Variants in TMC7 observed in about 807,000 individuals in gnomAD.
TMC7 encodes transmembrane channel like 7, also known as transmembrane channel-like protein 7.
TMC7 carries 54 observed loss-of-function variants against 82.9 expected under a neutral mutation model. The ratio of observed to expected loss-of-function variants is 0.65; its 90% CI spans 0.52 to 0.82. TMC7 has a LOEUF of 0.82. Ranked by LOEUF, TMC7 falls within the 40% of genes least tolerant of loss-of-function variation. TMC7 has a pLI of 0.00. For synonymous variants in TMC7, 350 were observed against 337.9 expected, an observed-to-expected ratio of 1.04 and a Z score of -0.39; for missense variants, 820 against 901.2, an observed-to-expected ratio of 0.91 and a Z score of 1.15.
At chr16:19,060,772 G>C (rs971160073) in intron 15 of TMC7, among the ~76,000 whole-genome samples, 4 of 149,076 alleles carry the variant, frequency 2.7e-5, no homozygotes, top group Admixed American at 6.8e-5. Context: ...TGAAGGGTTT[G>C]TAAGAGTCTA....
intron 9 of TMC7, among the ~76,000 whole-genome samples, chr16:19,042,499 CTTCTTTTTTTTTTTT>C (rs1961057415): frequency 7.3e-6 from 1 of 137,732 alleles, no homozygotes; most frequent in Non-Finnish European, 1.6e-5. Flanking sequence ...TAAATTATTC[CTTCTTTTTTTTTTTT>C]TTCTTTTTTT....
chr16:19,013,851 C>CTTTTTTT (rs35402613), intron 2 of TMC7, among the ~76,000 whole-genome samples: 1 of 87,096 alleles, frequency 1.1e-5, no homozygotes, highest in Non-Finnish European at 2.0e-5. Flanking sequence ...AGCACTCTTG[C>CTTTTTTT]TTTTTTTTTT....
At chr16:18,987,709 A>G (rs1416235098) in intron 1 of TMC7, among the ~76,000 whole-genome samples, 13 of 152,192 alleles carry the variant, frequency 8.5e-5, no homozygotes, top group Admixed American at 8.5e-4. Flanking sequence ...TGCTACATCT[A>G]TTGTGAATGA....
intron 1 of TMC7, among the ~76,000 whole-genome samples, chr16:19,005,127 C>T (rs1198379838): frequency 2.0e-5 from 3 of 151,664 alleles, no homozygotes; most frequent in Non-Finnish European, 2.9e-5. Flanking sequence ...CTCGCTCTGT[C>T]GCCCAGGCTG....
chr16:19,037,403 A>G (rs1567521355), intron 7 of TMC7, among the ~76,000 whole-genome samples: 5 of 30,772 alleles, frequency 1.6e-4, no homozygotes, highest in African/African-American at 3.3e-4. Context: ...AAAAAAAAAA[A>G]GAAAGAAAAA....
At position 19,015,709 on chromosome 16, in the gene TMC7, C is replaced by T. The variant is rs896403314; in HGVS notation, c.312-741C>T. 3.3e-5 allele frequency among the ~76,000 whole-genome samples: 5 copies of T among 152,038 alleles called. No individual in the cohort carries two copies. In the East Asian group the frequency reaches 9.8e-4, roughly 30 times the overall value. On this transcript the variant is annotated intron_variant, in intron 2 of 15. Coordinates refer to ENST00000304381, the MANE Select transcript of TMC7 (RefSeq NM_024847.4). ...TCTTCTGCCTCGGCCTCCCAAGTAG[C>T]TGGAATTACAGACGCCCACCACCAT... is the stretch of plus-strand genomic sequence containing the variant.
Position 19,030,333 on chromosome 16 carries a change from C to A in TMC7, c.821C>A (p.Ala274Asp). The change falls in exon 6 of 16, where the codon GCC becomes GAC. Residue 274 changes from alanine to aspartate, a missense_variant. This residue lies in a region of TMC7 where 650 missense variants were observed against 669.9 expected (regional missense o/e 0.97). Coordinates refer to ENST00000304381, the MANE Select transcript of TMC7 (RefSeq NM_024847.4). Reference sequence around the variant, plus strand: ...CTGGCGTATTTGTTAAGCACAATCGCCTCCCTGGCCCTGAGCCTTCTTTGG... The same window carrying A: ...CTGGCGTATTTGTTAAGCACAATCGACTCCCTGGCCCTGAGCCTTCTTTGG... ...LPLAYLLSTI[A>D]SLALSLLWIV... is the part of the protein sequence containing the mutation. 1 of 1,612,896 alleles carries A rather than the reference C, an allele frequency of 6.2e-7. No individual in the cohort carries two copies. The highest frequency in any genetic ancestry group is 8.5e-7 in the Non-Finnish European group (1 of 1,179,652).
chr16:19,036,233 G>A (rs1019807155), intron 7 of TMC7, among the ~76,000 whole-genome samples: 6 of 152,196 alleles, frequency 3.9e-5, no homozygotes, highest in Non-Finnish European at 8.8e-5. Flanking sequence ...GTACAGACCG[G>A]GCGTGGTGGC....
intron 3 of TMC7, 53 bp from the exon 4 acceptor site, chr16:19,021,576 T>G: frequency 6.3e-7 from 1 of 1,586,710 alleles, no homozygotes; most frequent in African/African-American, 1.3e-5. Context: ...GAATCTATGA[T>G]GTGTAGTGTA....
chr16:18,984,108 C>A lies in TMC7; in HGVS notation c.45C>A (p.Ser15Arg), dbSNP rs1020037578. ...GTGCGCTCCAGCCCGGCAGGCCCAG[C>A]CGGCAGCCGGCGGTCCATCCAGGTA... Reference protein sequence around the residue: ...SGSALQPGRPSRQPAVHPENL... With the variant: ...SGSALQPGRPRRQPAVHPENL... The change falls in exon 1 of 16, where the codon AGC becomes AGA. Residue 15 changes from serine to arginine, a missense_variant. By Grantham distance (110) the Ser-to-Arg change is moderately radical. Transcript: ENST00000304381. 4.7e-6 allele frequency: 7 copies of A among 1,502,766 alleles called. No individual in the cohort carries two copies. In the African/African-American group the frequency reaches 8.7e-5, roughly 19 times the overall value. The allele number at this position is 1,502,766 out of a possible 1,614,324, so 93.1% of individuals were successfully genotyped here.
chr16:18,984,017 G>T lies in TMC7; in HGVS notation c.-47G>T. 7.2e-7 allele frequency: 1 copy of T among 1,384,090 alleles called. No homozygotes were observed. Among genetic ancestry groups the T allele is most frequent in the Non-Finnish European group, 9.3e-7 (1 of 1,076,178 alleles). The allele number at this position is 1,384,090 out of a possible 1,614,324, so 85.7% of individuals were successfully genotyped here. A position where few individuals can be genotyped will look rare whatever the true frequency, so the allele number is the denominator to read the frequency against. On this transcript the variant is annotated 5_prime_UTR_variant, in exon 1 of 16. Coordinates refer to ENST00000304381, the MANE Select transcript of TMC7 (RefSeq NM_024847.4). ...CCGGGGAGGCGGCGGCGGCGGCGGC[G>T]GCTGGAGAGGGTCCTCGGCAGCCTC...
Position 19,047,251 on chromosome 16 carries a change from T to C in TMC7, c.1740+2T>C. The C allele has an allele frequency of 3.1e-6, 5 of 1,613,058 alleles. No individual in the cohort carries two copies. Among genetic ancestry groups the C allele is most frequent in the Non-Finnish European group, 4.2e-6 (5 of 1,179,514 alleles). On this transcript the variant is annotated splice_donor_variant, in intron 12 of 15. Coordinates refer to ENST00000304381, the MANE Select transcript of TMC7 (RefSeq NM_024847.4). LOFTEE classifies it high-confidence loss of function. ...ATTATCATCTTCTATGTGAAAGAGG[T>C]AAGGAGCCGGTGGGAATGGGGGCTC...
chr16:19,061,612 C>T (rs559135879), intron 15 of TMC7, among the ~76,000 whole-genome samples, 166 bp from the exon 16 acceptor site: 21 of 152,208 alleles, frequency 1.4e-4, no homozygotes, highest in South Asian at 4.1e-4. Context: ...AAAAAAGGAT[C>T]GGCTGCTTTG....
chr16:19,015,842 C>T (rs535568522), intron 2 of TMC7, among the ~76,000 whole-genome samples: 110 of 152,076 alleles, frequency 7.2e-4, no homozygotes, highest in African/African-American at 2.1e-3. Context: ...TCCCAAAGTG[C>T]TTGGATTACA....
Position 19,027,061 on chromosome 16 carries a change from CTTTTTTTT to C in TMC7, c.712-3144_712-3137del, listed in dbSNP as rs35769515. Among the ~76,000 whole-genome samples the C allele has an allele frequency of 2.3e-3, 132 of 56,580 alleles. 6 individuals carry two copies. The highest frequency in any genetic ancestry group is 1.6e-3 in the Non-Finnish European group (54 of 34,606). The allele number at this position is 56,580 out of a possible 152,430, so 37.1% of individuals were successfully genotyped here. On this transcript the variant is annotated intron_variant, in intron 5 of 15. Transcript: ENST00000304381. ...ACAGGCATGAGCCACCACACCTGAC[CTTTTTTTT>C]TTTTTTTTTTTTTTTTTTAAAGACA...
At chr16:19,029,068 C>A (rs1024846834) in intron 5 of TMC7, among the ~76,000 whole-genome samples, 3 of 151,316 alleles carry the variant, frequency 2.0e-5, no homozygotes, top group African/African-American at 7.3e-5. Flanking sequence ...TGCAGTGGCA[C>A]AATCTCGGCT....
intron 15 of TMC7, among the ~76,000 whole-genome samples, chr16:19,060,157 C>T (rs940388980): frequency 1.4e-4 from 21 of 152,080 alleles, no homozygotes; most frequent in Non-Finnish European, 3.1e-4. Flanking sequence ...AGCGGGCTAT[C>T]AGTTACTGCA....
rs974708494 is a variant in TMC7 at position 18,984,138 on chromosome 16, G to A, written c.67+8G>A. The A allele has an allele frequency of 2.7e-6, 4 of 1,492,762 alleles. No homozygotes were observed. The highest frequency in any genetic ancestry group is 3.5e-6 in the Non-Finnish European group (4 of 1,129,156). The allele number at this position is 1,492,762 out of a possible 1,614,324, so 92.5% of individuals were successfully genotyped here. A position where few individuals can be genotyped will look rare whatever the true frequency, so the allele number is the denominator to read the frequency against. ...AGCCGGCGGTCCATCCAGGTAGGGCGGCAGGGAGCGCGCGCGGGGACGGTG... is the reference window on the plus strand; with the variant it reads ...AGCCGGCGGTCCATCCAGGTAGGGCAGCAGGGAGCGCGCGCGGGGACGGTG... On this transcript the variant is annotated splice_region_variant and intron_variant, in intron 1 of 15. Coordinates refer to ENST00000304381, the MANE Select transcript of TMC7 (RefSeq NM_024847.4).
At chr16:18,988,507 T>C (rs893029148) in intron 1 of TMC7, among the ~76,000 whole-genome samples, 2 of 152,012 alleles carry the variant, frequency 1.3e-5, no homozygotes, top group African/African-American at 4.8e-5. Context: ...TCCAGGCTGG[T>C]CCCAAACTCC....
Sources: allele counts gnomAD v4.1 joint callset (sites outside exome capture counted in the v4.1 genomes callset), GRCh38; gene constraint gnomAD v4.1.1; regional missense constraint gnomAD v4.1.1; transcripts MANE v1.5; gene names NCBI Gene and HGNC (gene_info 2026-07-23, HGNC 2026-07-21).